Variants in WWC1 observed in about 807,000 individuals in gnomAD.
The protein encoded by WWC1 is WW and C2 domain containing 1, also known as protein KIBRA.
WWC1 carries 55 observed loss-of-function variants against 138.4 expected under a neutral mutation model. That is an observed-to-expected ratio of 0.40 (90% CI 0.32 to 0.50). WWC1 has a LOEUF of 0.50. Among genes scored for constraint, WWC1 ranks in the 20% least tolerant of loss-of-function variants. WWC1 has a pLI of 0.72. For missense variants in WWC1, 1,226 were observed against 1,420.4 expected, an observed-to-expected ratio of 0.86 and a Z score of 2.20; for synonymous variants, 524 against 564.9, an observed-to-expected ratio of 0.93 and a Z score of 1.03.
intron 1 of WWC1, among the ~76,000 whole-genome samples, chr5:168,346,754 G>A (rs1037907276): frequency 2.0e-5 from 3 of 152,152 alleles, no homozygotes; most frequent in African/African-American, 7.2e-5. Context: ...GTAAGTTGGT[G>A]GTGGCTTAGA....
intron 11 of WWC1, 65 bp downstream of exon 11, chr5:168,424,133 A>G: frequency 6.6e-7 from 1 of 1,512,354 alleles, no homozygotes; most frequent in Non-Finnish European, 8.8e-7. Flanking sequence ...TGTGCTCAGA[A>G]CCCCCCAGTG....
intron 3 of WWC1, among the ~76,000 whole-genome samples, chr5:168,395,080 G>T (rs1778791780): frequency 6.6e-6 from 1 of 152,204 alleles, no homozygotes; most frequent in African/African-American, 2.4e-5. Flanking sequence ...GGATTTCTGG[G>T]CATGCCCAAG....
intron 21 of WWC1, among the ~76,000 whole-genome samples, chr5:168,467,330 T>TGGTACGTGGATATTTTAG (rs1757385543): frequency 1.3e-5 from 2 of 152,220 alleles, no homozygotes; most frequent in African/African-American, 4.8e-5. Context: ...TTCAAGTATA[T>TGGTACGTGGATATTTTAG]GGTACGTGGA....
chr5:168,376,291 T>TG (rs5873111), intron 2 of WWC1, among the ~76,000 whole-genome samples: 35,519 of 152,038 alleles, frequency 0.23, 4,365 homozygotes, highest in South Asian at 0.45. Context: ...TGACCGCAGG[T>TG]GATCCTCCTG....
chr5:168,376,285 C>T (rs970236939), intron 2 of WWC1, among the ~76,000 whole-genome samples: 15 of 142,274 alleles, frequency 1.1e-4, no homozygotes, highest in African/African-American at 3.6e-4. Flanking sequence ...AACTCCTGAC[C>T]GCAGGTGATC....
At chr5:168,358,323 G>A (rs1298998302) in intron 1 of WWC1, among the ~76,000 whole-genome samples, 4 of 152,210 alleles carry the variant, frequency 2.6e-5, no homozygotes, top group African/African-American at 4.8e-5. Flanking sequence ...GAATGAGGAT[G>A]GGCAAGGAGA....
intron 1 of WWC1, among the ~76,000 whole-genome samples, chr5:168,349,522 T>C (rs1012048820): frequency 4.6e-5 from 7 of 152,300 alleles, no homozygotes; most frequent in African/African-American, 1.4e-4. Flanking sequence ...AGCACAGCCC[T>C]GCAGGCTGGC....
At chr5:168,386,179 C>CT (rs781038602) in intron 3 of WWC1, among the ~76,000 whole-genome samples, 10 of 152,094 alleles carry the variant, frequency 6.6e-5, no homozygotes, top group Non-Finnish European at 1.5e-4. Context: ...TCGGACAACT[C>CT]TATCAGAAGC....
At chr5:168,404,554 G>T (rs544833511) in intron 5 of WWC1, among the ~76,000 whole-genome samples, 59 of 152,354 alleles carry the variant, frequency 3.9e-4, no homozygotes, top group African/African-American at 1.4e-3. Context: ...CGCAGACGAT[G>T]AGGCCGGGAT....
intron 1 of WWC1, among the ~76,000 whole-genome samples, chr5:168,306,356 A>G (rs1464102304): frequency 1.3e-5 from 2 of 152,190 alleles, no homozygotes; most frequent in African/African-American, 4.8e-5. Context: ...AGATTGTGCC[A>G]TTGCACCCCA....
At chr5:168,372,185 C>T (rs549854395) in intron 2 of WWC1, among the ~76,000 whole-genome samples, 2 of 152,128 alleles carry the variant, frequency 1.3e-5, no homozygotes, top group African/African-American at 4.8e-5. Context: ...ACCTCTGTCT[C>T]TGGGACTGTG....
At chr5:168,444,360 A>G in intron 16 of WWC1, 134 bp from the exon 17 acceptor site, 1 of 831,788 alleles carries the variant, frequency 1.2e-6, no homozygotes, top group Non-Finnish European at 1.8e-6. Context: ...CTTGGGCAAG[A>G]CACTTGACCA....
At chr5:168,428,426 G>A (rs1234496227) in intron 12 of WWC1, among the ~76,000 whole-genome samples, 2 of 152,048 alleles carry the variant, frequency 1.3e-5, no homozygotes, top group Non-Finnish European at 2.9e-5. Context: ...GGCCCCTTAA[G>A]AGAGGAGTCC....
At chr5:168,451,252 C>T (rs937171683) in intron 17 of WWC1, among the ~76,000 whole-genome samples, 1 of 152,104 alleles carries the variant, frequency 6.6e-6, no homozygotes, top group African/African-American at 2.4e-5. Context: ...GAACTCCTGA[C>T]CTCAGGTGAT....
intron 2 of WWC1, among the ~76,000 whole-genome samples, chr5:168,371,834 A>T (rs980707789): frequency 3.3e-5 from 5 of 152,152 alleles, no homozygotes; most frequent in Non-Finnish European, 7.4e-5. Flanking sequence ...GAAATTTTCT[A>T]ATCATGTGTT....
chr5:168,441,896 G>A, intron 16 of WWC1, 62 bp downstream of exon 16: 3 of 1,563,916 alleles, frequency 1.9e-6, no homozygotes, highest in Non-Finnish European at 2.6e-6. Flanking sequence ...GGAAGGGAAA[G>A]CCTCTCCCAG....
At chr5:168,357,529 G>T (rs1775552513) in intron 1 of WWC1, among the ~76,000 whole-genome samples, 1 of 150,552 alleles carries the variant, frequency 6.6e-6, no homozygotes, top group African/African-American at 2.4e-5. Flanking sequence ...TGCATGCCAG[G>T]GTATTGTGTT....
At position 168,334,564 on chromosome 5, in the gene WWC1, TAC is replaced by T. The variant is rs138842442; in HGVS notation, c.120-36858_120-36857del. ...AGACCCTCCCCCCTCCACCCCCATTTACAGTCTCATGCTCCTGTGTGCTGCTG... is the reference window on the plus strand; with the variant it reads ...AGACCCTCCCCCCTCCACCCCCATTTAGTCTCATGCTCCTGTGTGCTGCTG... On this transcript the variant is annotated intron_variant, in intron 1 of 22. Coordinates refer to ENST00000265293, the MANE Select transcript of WWC1 (RefSeq NM_015238.3). Among the ~76,000 whole-genome samples the T allele has an allele frequency of 6.2e-3, 937 of 152,264 alleles. 7 individuals are homozygous for T. Among genetic ancestry groups the T allele is most frequent in the Non-Finnish European group, 8.8e-3 (600 of 68,022 alleles).
intron 1 of WWC1, among the ~76,000 whole-genome samples, chr5:168,354,120 G>A (rs1202216114): frequency 1.3e-5 from 2 of 150,994 alleles, no homozygotes; most frequent in South Asian, 2.1e-4. Context: ...GTGTGATCTC[G>A]TCTCACTGCA....
Sources: gnomAD v4.1 joint callset for allele counts (sites outside exome capture counted in the v4.1 genomes callset) on GRCh38, gnomAD v4.1.1 for gene constraint, MANE v1.5 for transcripts, NCBI Gene and HGNC (gene_info 2026-07-23, HGNC 2026-07-21) for gene names.